Variants in FBXL13 observed in about 807,000 individuals in gnomAD.
FBXL13 encodes F-box and leucine rich repeat protein 13.
FBXL13 carries 67 observed loss-of-function variants against 83.6 expected under a neutral mutation model. The observed-to-expected ratio is 0.80, with a 90% CI of 0.66 to 0.98. The LOEUF (loss-of-function observed/expected upper bound fraction) is 0.98. FBXL13 is among the 50% of genes least tolerant of loss of function. The probability of loss-of-function intolerance (pLI) is 0.00; values close to 1 mark genes in which losing one functional copy is unlikely to be tolerated. For missense variants in FBXL13, 822 were observed against 866.5 expected (o/e 0.95, Z 0.64); for synonymous variants, 272 against 299.5 (o/e 0.91, Z 0.95).
In FBXL13 at chr7:102,855,330, T is replaced by C. The variant is rs183420921; in HGVS notation, c.1636-470A>G. Among the ~76,000 whole-genome samples, 552 of 152,322 alleles carry C rather than the reference T, an allele frequency of 3.6e-3. 2 individuals carry two copies. The highest frequency in any genetic ancestry group is 4.5e-3 in the Non-Finnish European group (304 of 68,026). On this transcript the variant is annotated intron_variant, in intron 16 of 19. Coordinates refer to ENST00000313221, the Ensembl canonical transcript of FBXL13. ...TGAAGAGGAAGAGAATAGATCTTTA[T>C]ATAAAGGCCTAGAGACAGATAATCA...
At chr7:102,848,137 T>A (rs1804362963) in intron 17 of FBXL13, among the ~76,000 whole-genome samples, 1 of 152,228 alleles carries the variant, frequency 6.6e-6, no homozygotes, top group Non-Finnish European at 1.5e-5. Flanking sequence ...TTTCTCCTGC[T>A]AATGACATTA....
At chr7:102,852,068 C>T (rs1159441978) in intron 17 of FBXL13, among the ~76,000 whole-genome samples, 2 of 152,128 alleles carry the variant, frequency 1.3e-5, no homozygotes, top group South Asian at 4.1e-4. Flanking sequence ...TTTCTATCCA[C>T]AGAATACTTT....
At chr7:102,859,282 G>A (rs1024583465) in intron 16 of FBXL13, among the ~76,000 whole-genome samples, 5 of 152,212 alleles carry the variant, frequency 3.3e-5, no homozygotes, top group Middle Eastern at 3.4e-3. Context: ...AAATCGAGCC[G>A]GCAGAGATGA....
intron 5 of FBXL13, among the ~76,000 whole-genome samples, chr7:103,025,533 C>A (rs1239765940): frequency 6.6e-6 from 1 of 151,998 alleles, no homozygotes; most frequent in African/African-American, 2.4e-5. Flanking sequence ...AAGGCTCTGG[C>A]AATGATAAAA....
chr7:103,073,221 T>C (rs1485196959), intron 1 of FBXL13, among the ~76,000 whole-genome samples: 2 of 152,246 alleles, frequency 1.3e-5, no homozygotes, highest in Non-Finnish European at 2.9e-5. Context: ...TATATACACA[T>C]ATATGTACAT....
At chr7:102,834,457 A>ATATATATTATATATATGTGAT (rs397890855) in intron 17 of FBXL13, 6 of 49,810 alleles carry the variant, frequency 1.2e-4, no homozygotes, top group African/African-American at 9.1e-4. Context: ...ATATGTGATT[A>ATATATATTATATATATGTGAT]TATATATATA....
At chr7:103,062,476 T>C (rs1427984975) in intron 1 of FBXL13, among the ~76,000 whole-genome samples, 1 of 152,198 alleles carries the variant, frequency 6.6e-6, no homozygotes, top group East Asian at 1.9e-4. Context: ...TTAAGCTAAT[T>C]CCCACAGTGG....
intron 16 of FBXL13, among the ~76,000 whole-genome samples, chr7:102,864,386 A>T (rs1465220989): frequency 1.4e-5 from 2 of 144,228 alleles, no homozygotes; most frequent in African/African-American, 2.6e-5. Context: ...TTTTTTTTTT[A>T]AGATGGAGTC....
intron 18 of FBXL13, among the ~76,000 whole-genome samples, chr7:102,824,205 A>T (rs992376743): frequency 3.2e-4 from 48 of 152,338 alleles, no homozygotes; most frequent in African/African-American, 1.1e-3. Context: ...CCCAGATATA[A>T]GGTCCTGCTC....
intron 11 of FBXL13, among the ~76,000 whole-genome samples, chr7:102,907,627 A>G (rs560441401): frequency 6.6e-6 from 1 of 152,258 alleles, no homozygotes; most frequent in Admixed American, 6.5e-5. Context: ...AGCTTCATCC[A>G]TGTCCCTACA....
chr7:102,894,533 G>A (rs1260358738), intron 11 of FBXL13, among the ~76,000 whole-genome samples: 1 of 151,824 alleles, frequency 6.6e-6, no homozygotes, highest in Non-Finnish European at 1.5e-5. Context: ...AGACTGGCCT[G>A]GACAACATAT....
intron 16 of FBXL13, 74 bp downstream of exon 17, chr7:102,877,393 A>G: frequency 4.1e-6 from 5 of 1,230,650 alleles, no homozygotes; most frequent in Non-Finnish European, 5.5e-6. Context: ...TGTTCTCTCC[A>G]TTATTTACAA....
chr7:102,819,168 C>T (rs776473158), intron 19 of FBXL13, among the ~76,000 whole-genome samples: 9 of 152,128 alleles, frequency 5.9e-5, no homozygotes, highest in Non-Finnish European at 1.3e-4. Context: ...GGTCTTTCTT[C>T]CTCTCTCTCA....
chr7:103,064,279 G>A (rs996305417), intron 1 of FBXL13, among the ~76,000 whole-genome samples: 2 of 152,192 alleles, frequency 1.3e-5, no homozygotes, highest in Admixed American at 6.5e-5. Context: ...TGAATGCACC[G>A]GTTGTTGCAA....
chr7:102,846,954 G>T (rs1330155364), intron 17 of FBXL13, among the ~76,000 whole-genome samples: 1 of 151,870 alleles, frequency 6.6e-6, no homozygotes, highest in African/African-American at 2.4e-5. Flanking sequence ...TCTAAGAATG[G>T]TGTTTATATA....
At chr7:102,847,662 G>A (rs747593163) in intron 17 of FBXL13, among the ~76,000 whole-genome samples, 2 of 152,040 alleles carry the variant, frequency 1.3e-5, no homozygotes, top group Non-Finnish European at 2.9e-5. Flanking sequence ...GAGTAGCTGG[G>A]ACTAGAGGTG....
In FBXL13 at chr7:102,900,268, G is replaced by A. The variant is rs117445966; in HGVS notation, c.1008+12818C>T. 4.9e-3 allele frequency among the ~76,000 whole-genome samples: 745 copies of A among 152,170 alleles called. 21 individuals carry two copies. Among genetic ancestry groups the A allele is most frequent in the Admixed American group, 0.038 (585 of 15,268 alleles). On this transcript the variant is annotated intron_variant, in intron 11 of 19. Transcript: ENST00000313221. The stretch of plus-strand genomic sequence containing the variant: ...TTAGTCCATGACATATTTTGTTTAC[G>A]TTAATCCAGAGCTCCTAAAGGACAG...
chr7:102,963,924 A>G (rs1474268375), intron 7 of FBXL13, among the ~76,000 whole-genome samples: 1 of 152,220 alleles, frequency 6.6e-6, no homozygotes, highest in East Asian at 1.9e-4. Flanking sequence ...ATAGGCGAAG[A>G]ACATGAACAG....
intron 2 of FBXL13, among the ~76,000 whole-genome samples, chr7:103,042,848 A>G (rs1795869913): frequency 6.6e-6 from 1 of 152,238 alleles, no homozygotes; most frequent in Non-Finnish European, 1.5e-5. Flanking sequence ...TAAATGTAAG[A>G]CCTAACACCA....
Sources: allele counts gnomAD v4.1 joint callset (sites outside exome capture counted in the v4.1 genomes callset), GRCh38; gene constraint gnomAD v4.1.1; transcripts MANE v1.5; gene names NCBI Gene and HGNC (gene_info 2026-07-23, HGNC 2026-07-21).